Variants in PDE11A observed in about 807,000 individuals in gnomAD.
The protein encoded by PDE11A is phosphodiesterase 11A, also known as dual 3',5'-cyclic-AMP and -GMP phosphodiesterase 11A.
A neutral mutation model predicts 100.5 loss-of-function variants in PDE11A; 100 were observed. That is an observed-to-expected ratio of 1.00 (90% CI 0.85 to 1.18). The LOEUF (loss-of-function observed/expected upper bound fraction) is 1.18. Ranked by LOEUF, PDE11A falls within the 50% of genes most tolerant of loss-of-function variation. The pLI, the probability that PDE11A is intolerant of heterozygous loss-of-function variation, is 0.00. For missense variants in PDE11A, 1,141 were observed against 1,152.6 expected (o/e 0.99, Z 0.15); for synonymous variants, 381 against 420.8 (o/e 0.91, Z 1.16).
At chr2:177,908,545 A>G (rs2084826561) in intron 2 of PDE11A, among the ~76,000 whole-genome samples, 1 of 152,194 alleles carries the variant, frequency 6.6e-6, no homozygotes, top group Non-Finnish European at 1.5e-5. Flanking sequence ...GGCAGAAGAA[A>G]GGAAGGGGCC....
At chr2:177,681,016 A>C (rs1253382605) in intron 15 of PDE11A, 113 bp from the exon 16 acceptor site, 7 of 661,390 alleles carry the variant, frequency 1.1e-5, no homozygotes, top group Non-Finnish European at 1.3e-5. Context: ...ACTTGAACCA[A>C]GTAACTTAAT....
At chr2:177,659,262 A>T (rs67697721) in intron 19 of PDE11A, among the ~76,000 whole-genome samples, 4 of 18,308 alleles carry the variant, frequency 2.2e-4, no homozygotes, top group South Asian at 3.2e-3. Flanking sequence ...ATTCTATCTC[A>T]GGGGGAAAAA....
At chr2:178,021,556 A>G (rs1574347380) in intron 1 of PDE11A, among the ~76,000 whole-genome samples, 1 of 152,324 alleles carries the variant, frequency 6.6e-6, no homozygotes, top group African/African-American at 2.4e-5. Context: ...ATAAAGGAAC[A>G]TGTTACTCTG....
rs192721596 is a variant in PDE11A, at chr2:177,967,794, C to T, written c.1071+46508G>A. Among the ~76,000 whole-genome samples the T allele has an allele frequency of 1.4e-3, 214 of 152,034 alleles. 1 individual carries two copies. Among genetic ancestry groups the T allele is most frequent in the Middle Eastern group, 3.4e-3 (1 of 294 alleles). ...ACTAGGTGCTGGGCATTGTGCTAAG[C>T]GGTTTATCTGCATTTATCAGCTAAT... is the stretch of plus-strand genomic sequence containing the variant. On this transcript the variant is annotated intron_variant, in intron 2 of 19. Coordinates refer to ENST00000286063, the MANE Select transcript of PDE11A (RefSeq NM_016953.4).
chr2:177,865,533 C>G (rs1266307140), intron 5 of PDE11A, among the ~76,000 whole-genome samples: 2 of 152,136 alleles, frequency 1.3e-5, no homozygotes, highest in East Asian at 3.9e-4. Flanking sequence ...AACCGAAAAT[C>G]TATGTGTACT....
intron 5 of PDE11A, among the ~76,000 whole-genome samples, chr2:177,840,778 C>T (rs1219913557): frequency 2.0e-5 from 3 of 151,986 alleles, no homozygotes. Context: ...AGAATGAAAC[C>T]CAAGTAGGGA....
Position 177,968,602 on chromosome 2 carries a change from G to A in PDE11A, c.1071+45700C>T, listed in dbSNP as rs1331932079. On this transcript the variant is annotated intron_variant, in intron 2 of 19. Transcript: ENST00000286063. ...ACAATTCAGGTGAAAATACTCATATGCAGTCAAATAAATTCCTATAGGATG... is the reference window on the plus strand; with the variant it reads ...ACAATTCAGGTGAAAATACTCATATACAGTCAAATAAATTCCTATAGGATG... Among the ~76,000 whole-genome samples the A allele has an allele frequency of 2.6e-5, 4 of 152,130 alleles. No homozygotes were observed. In the South Asian group the frequency reaches 8.3e-4, roughly 31 times the overall value.
intron 19 of PDE11A, among the ~76,000 whole-genome samples, chr2:177,640,800 C>G (rs116054346): frequency 6.6e-6 from 1 of 152,168 alleles, no homozygotes; most frequent in African/African-American, 2.4e-5. Context: ...TTCCCTCAAG[C>G]CTTCCTCTTA....
chr2:177,677,483 A>G (rs2080794062), intron 16 of PDE11A, among the ~76,000 whole-genome samples: 1 of 152,184 alleles, frequency 6.6e-6, no homozygotes, highest in Non-Finnish European at 1.5e-5. Flanking sequence ...TAGGACGGGT[A>G]GAGTGGCTGC....
intron 1 of PDE11A, among the ~76,000 whole-genome samples, chr2:178,021,678 G>A (rs570260102): frequency 5.3e-5 from 8 of 152,206 alleles, no homozygotes; most frequent in African/African-American, 1.7e-4. Flanking sequence ...ATAGCATTAC[G>A]GAACACAACA....
At chr2:177,932,826 AAG>A (rs1337158052) in intron 2 of PDE11A, among the ~76,000 whole-genome samples, 3 of 143,868 alleles carry the variant, frequency 2.1e-5, no homozygotes, top group East Asian at 4.0e-4. Flanking sequence ...GCAACTAGGC[AAG>A]AGTTAAAAAA....
At chr2:177,774,568 C>T (rs1405661359) in intron 9 of PDE11A, among the ~76,000 whole-genome samples, 1 of 152,174 alleles carries the variant, frequency 6.6e-6, no homozygotes, top group Non-Finnish European at 1.5e-5. Flanking sequence ...GCCCCTCATC[C>T]TCTACCTTAA....
intron 5 of PDE11A, among the ~76,000 whole-genome samples, chr2:177,870,116 T>C (rs1358393962): frequency 1.3e-5 from 2 of 152,260 alleles, no homozygotes; most frequent in Non-Finnish European, 2.9e-5. Context: ...ACTTGACATG[T>C]GTTAGGTGAC....
At chr2:177,861,341 AG>A (rs1331709140) in intron 5 of PDE11A, among the ~76,000 whole-genome samples, 1 of 151,856 alleles carries the variant, frequency 6.6e-6, no homozygotes, top group Non-Finnish European at 1.5e-5. Context: ...AATATCAAAA[AG>A]AAAAAAACAG....
At chr2:177,665,805 C>T (rs1199408807) in intron 18 of PDE11A, among the ~76,000 whole-genome samples, 2 of 142,466 alleles carry the variant, frequency 1.4e-5, no homozygotes, top group Admixed American at 7.1e-5. Context: ...TGCAGTGAGC[C>T]AAAATTGTGC....
At chr2:178,026,594 G>A (rs905784587) in intron 1 of PDE11A, among the ~76,000 whole-genome samples, 5 of 151,534 alleles carry the variant, frequency 3.3e-5, no homozygotes, top group African/African-American at 1.2e-4. Flanking sequence ...CCAGGAGGCA[G>A]AGGTTGCAGT....
Position 177,867,836 on chromosome 2 carries a change from C to A in PDE11A, c.1367+8023G>T, listed in dbSNP as rs77073945. Among the ~76,000 whole-genome samples, 1,105 of 152,340 alleles carry A rather than the reference C, an allele frequency of 7.3e-3. 13 individuals are homozygous for A. Among genetic ancestry groups the A allele is most frequent in the African/African-American group, 0.025 (1,029 of 41,580 alleles). The stretch of plus-strand genomic sequence containing the variant: ...TCGTCTCTCCAGGCTAATACAGTCT[C>A]TTCCAAGTTTATTCCTGACTGTATC... On this transcript the variant is annotated intron_variant, in intron 5 of 19. Transcript: ENST00000286063.
chr2:177,700,002 GAT>G (rs113195153), intron 14 of PDE11A, among the ~76,000 whole-genome samples: 4 of 152,292 alleles, frequency 2.6e-5, no homozygotes, highest in African/African-American at 7.2e-5. Flanking sequence ...ACACAGAAAA[GAT>G]AGTTTGAACC....
intron 1 of PDE11A, among the ~76,000 whole-genome samples, chr2:178,045,309 C>T (rs2086735577): frequency 1.3e-5 from 2 of 152,132 alleles, no homozygotes; most frequent in Admixed American, 1.3e-4. Flanking sequence ...AAACAGATTC[C>T]TTCCCTGCAG....
Sources: gnomAD v4.1 joint callset for allele counts (sites outside exome capture counted in the v4.1 genomes callset) on GRCh38, gnomAD v4.1.1 for gene constraint, MANE v1.5 for transcripts, NCBI Gene and HGNC (gene_info 2026-07-23, HGNC 2026-07-21) for gene names.